DEPDC1B: variants seen among roughly 807,000 people sequenced by gnomAD.
DEPDC1B encodes DEP domain-containing protein 1B.
DEPDC1B carries 51 observed loss-of-function variants against 66.5 expected under a neutral mutation model. The observed-to-expected ratio is 0.77, with a 90% CI of 0.61 to 0.97. DEPDC1B has a LOEUF of 0.97. DEPDC1B is among the 50% of genes least tolerant of loss of function. The pLI, the probability that DEPDC1B is intolerant of heterozygous loss-of-function variation, is 0.00. For synonymous variants in DEPDC1B, 226 were observed against 223.6 expected (o/e 1.01, Z -0.10); for missense variants, 552 against 637.1 (o/e 0.87, Z 1.44).
intron 2 of DEPDC1B, among the ~76,000 whole-genome samples, chr5:60,683,347 A>G (rs957703169): frequency 6.6e-6 from 1 of 152,120 alleles, no homozygotes; most frequent in Non-Finnish European, 1.5e-5. Context: ...TGGGAAGATC[A>G]CTTGAGCCTG....
chr5:60,679,006 A>G (rs1378972879), intron 2 of DEPDC1B, among the ~76,000 whole-genome samples: 3 of 152,202 alleles, frequency 2.0e-5, no homozygotes, highest in Non-Finnish European at 4.4e-5. Flanking sequence ...TGTTTTTCTA[A>G]AAGTTCTGTA....
intron 2 of DEPDC1B, among the ~76,000 whole-genome samples, chr5:60,674,885 G>A (rs1202458274): frequency 6.6e-6 from 1 of 152,146 alleles, no homozygotes; most frequent in Non-Finnish European, 1.5e-5. Flanking sequence ...GGAGGAAAAG[G>A]AGGCCACCCA....
chr5:60,699,461 A>AAAAAAAAC (rs1754732972), intron 1 of DEPDC1B, among the ~76,000 whole-genome samples: 1 of 78,218 alleles, frequency 1.3e-5, no homozygotes, highest in Admixed American at 1.5e-4. Context: ...AAAAAAAAAA[A>AAAAAAAAC]ACAGGAACTC....
intron 3 of DEPDC1B, 83 bp from the exon 4 acceptor site, chr5:60,645,702 G>T: frequency 7.3e-7 from 1 of 1,364,748 alleles, no homozygotes; most frequent in South Asian, 1.7e-5. Context: ...AAGGTGGTGG[G>T]ATTTTTATGA....
chr5:60,631,239 T>C (rs897773781), intron 7 of DEPDC1B, among the ~76,000 whole-genome samples: 3 of 152,162 alleles, frequency 2.0e-5, no homozygotes, highest in Admixed American at 2.0e-4. Context: ...AGCTTCCTCA[T>C]TACTGGGCAT....
intron 2 of DEPDC1B, among the ~76,000 whole-genome samples, chr5:60,672,832 C>T (rs1345025083): frequency 1.3e-5 from 2 of 152,144 alleles, no homozygotes; most frequent in East Asian, 3.9e-4. Context: ...TGTTATAGTC[C>T]TTCCATACTA....
Position 60,638,871 on chromosome 5 carries a change from C to G in DEPDC1B, c.777G>C (p.Leu259Phe), listed in dbSNP as rs1295384693. ...CAAATCCCAAGTACATAGGCTGCTT[C>G]AAATCAGAACAGTTGGGCCCTATTT... ...CLANWPNCSD[L>F]KQPMYLGFEK... Residue 259 changes from leucine to phenylalanine, a missense_variant, in exon 7 of 11, where the codon TTG becomes TTC. Coordinates refer to ENST00000265036, the MANE Select transcript of DEPDC1B (RefSeq NM_018369.3). 1 of 1,611,168 alleles carries G rather than the reference C, an allele frequency of 6.2e-7. No homozygotes were observed. The highest frequency in any genetic ancestry group is 1.7e-5 in the Admixed American group (1 of 59,410).
At chr5:60,633,653 G>A (rs1227356303) in intron 7 of DEPDC1B, among the ~76,000 whole-genome samples, 1 of 152,160 alleles carries the variant, frequency 6.6e-6, no homozygotes, top group African/African-American at 2.4e-5. Context: ...CTGAAGAGCT[G>A]CCCAGGCTAA....
chr5:60,663,728 G>A (rs1211248727), intron 2 of DEPDC1B, among the ~76,000 whole-genome samples: 1 of 152,194 alleles, frequency 6.6e-6, no homozygotes, highest in Non-Finnish European at 1.5e-5. Context: ...TCGGTATGTG[G>A]ATGATTTACT....
intron 2 of DEPDC1B, among the ~76,000 whole-genome samples, chr5:60,671,425 A>G (rs1160240114): frequency 6.6e-6 from 1 of 152,218 alleles, no homozygotes; most frequent in African/African-American, 2.4e-5. Context: ...ACACTTCCCC[A>G]GGCTGCTTCC....
At chr5:60,641,913 A>C (rs1203460986) in intron 6 of DEPDC1B, among the ~76,000 whole-genome samples, 1 of 152,224 alleles carries the variant, frequency 6.6e-6, no homozygotes, top group Non-Finnish European at 1.5e-5. Flanking sequence ...CATATACAGA[A>C]GGATAGTATA....
At chr5:60,657,565 G>T (rs1449195883) in intron 2 of DEPDC1B, among the ~76,000 whole-genome samples, 2 of 152,154 alleles carry the variant, frequency 1.3e-5, no homozygotes, top group Non-Finnish European at 2.9e-5. Context: ...AGTTTGACTG[G>T]ATACAAAATT....
intron 2 of DEPDC1B, among the ~76,000 whole-genome samples, chr5:60,649,744 CA>C (rs899254936): frequency 9.3e-5 from 14 of 151,272 alleles, no homozygotes; most frequent in South Asian, 2.1e-4. Flanking sequence ...AATTTTTACA[CA>C]AAAAAAAGAC....
chr5:60,686,726 C>T (rs1472230698), intron 2 of DEPDC1B, among the ~76,000 whole-genome samples: 2 of 152,170 alleles, frequency 1.3e-5, no homozygotes, highest in African/African-American at 4.8e-5. Flanking sequence ...AAAAGATTAC[C>T]TTACTGAAAC....
intron 2 of DEPDC1B, among the ~76,000 whole-genome samples, chr5:60,679,154 C>A (rs1422761200): frequency 3.3e-5 from 5 of 152,094 alleles, no homozygotes; most frequent in Non-Finnish European, 7.4e-5. Flanking sequence ...TGAAAATACT[C>A]ATCTTTTCCC....
intron 7 of DEPDC1B, among the ~76,000 whole-genome samples, chr5:60,619,193 G>A (rs1230706773): frequency 6.6e-6 from 1 of 152,142 alleles, no homozygotes; most frequent in Non-Finnish European, 1.5e-5. Context: ...TACTGAATGG[G>A]CAAAAACTGG....
chr5:60,604,218 C>CTTTTTTTTTT (rs869142199), intron 8 of DEPDC1B, among the ~76,000 whole-genome samples: 924 of 68,942 alleles, frequency 0.013, 209 homozygotes, highest in Non-Finnish European at 0.018. Context: ...ATTAACTATT[C>CTTTTTTTTTT]TTTTTTTTTT....
chr5:60,602,229 TAGAC>T (rs1017941164), intron 9 of DEPDC1B, among the ~76,000 whole-genome samples: 1 of 133,468 alleles, frequency 7.5e-6, no homozygotes, highest in African/African-American at 3.3e-5. Context: ...GGCATGGACA[TAGAC>T]AGCAGACAGA....
In DEPDC1B at chr5:60,597,376, T is replaced by C. The variant is rs1036839639; in HGVS notation, c.*377A>G. ...AAGTATACACGCTATTTTTAAGACT[T>C]AAAATTAAGTCTTAAGGCTATAATA... On this transcript the variant is annotated 3_prime_UTR_variant, in exon 11 of 11. Transcript: ENST00000265036. 6.0e-6 allele frequency: 1 copy of C among 165,906 alleles called. No homozygotes were observed. The highest frequency in any genetic ancestry group is 2.4e-5 in the African/African-American group (1 of 41,518). The allele number at this position is 165,906 out of a possible 1,614,324, so 10.3% of individuals were successfully genotyped here. A position where few individuals can be genotyped will look rare whatever the true frequency, so the allele number is the denominator to read the frequency against.
Sources: allele counts gnomAD v4.1 joint callset (sites outside exome capture counted in the v4.1 genomes callset), GRCh38; gene constraint gnomAD v4.1.1; transcripts MANE v1.5; gene names NCBI Gene and HGNC (gene_info 2026-07-23, HGNC 2026-07-21).